TRIM67: variants seen among roughly 807,000 people sequenced by gnomAD.
The protein encoded by TRIM67 is tripartite motif-containing protein 67.
In TRIM67, 39 loss-of-function variants were observed where a neutral mutation model predicts 71.0. The ratio of observed to expected loss-of-function variants is 0.55; its 90% CI spans 0.43 to 0.72. TRIM67 has a LOEUF of 0.72. Ranked by LOEUF, TRIM67 falls within the 30% of genes least tolerant of loss-of-function variation. The pLI is 0.00. For synonymous variants in TRIM67, 481 were observed against 473.9 expected, an observed-to-expected ratio of 1.01 and a Z score of -0.19; for missense variants, 973 against 1,079.2, an observed-to-expected ratio of 0.90 and a Z score of 1.38.
intron 2 of TRIM67, among the ~76,000 whole-genome samples, chr1:231,197,682 G>C (rs554740488): frequency 6.6e-6 from 1 of 152,152 alleles, no homozygotes; most frequent in African/African-American, 2.4e-5. Flanking sequence ...AAAATTAGCC[G>C]GGCGTGGTGG....
Position 231,217,598 on chromosome 1 carries a change from A to G in TRIM67, c.*2158A>G, listed in dbSNP as rs1684047677. On this transcript the variant is annotated 3_prime_UTR_variant, in exon 10 of 10. Transcript: ENST00000366653. ...TGTCTAGCTCTCTTCTGAAAAAAAA[A>G]CAGGCCTACACCCTGCCCCCAGAAT... 2.5e-5 allele frequency: 26 copies of G among 1,055,100 alleles called. No homozygotes were observed. In the South Asian group the frequency reaches 6.1e-4, roughly 25 times the overall value. The allele number at this position is 1,055,100 out of a possible 1,614,324, so 65.4% of individuals were successfully genotyped here.
intron 1 of TRIM67, among the ~76,000 whole-genome samples, chr1:231,168,098 A>G (rs1231327863): frequency 6.6e-6 from 1 of 152,088 alleles, no homozygotes; most frequent in African/African-American, 2.4e-5. Context: ...AGTAGCCAGG[A>G]CTACAGGCAC....
At chr1:231,214,850 A>G (rs1683972759) in intron 9 of TRIM67, among the ~76,000 whole-genome samples, 1 of 151,730 alleles carries the variant, frequency 6.6e-6, no homozygotes, top group Admixed American at 6.6e-5. Flanking sequence ...CTGTAACTCC[A>G]GTACTTTGGG....
intron 4 of TRIM67, 88 bp downstream of exon 4, chr1:231,200,346 T>C: frequency 2.4e-6 from 2 of 824,202 alleles, no homozygotes; most frequent in African/African-American, 1.7e-5. Context: ...GCAAGATCCT[T>C]TCACGGCTTG....
intron 1 of TRIM67, chr1:231,186,205 C>T (rs961709841): frequency 3.5e-5 from 52 of 1,505,548 alleles, no homozygotes; most frequent in Non-Finnish European, 4.4e-5. Flanking sequence ...AACTCTTGAG[C>T]CCAAAGGGCC....
rs375280263 is a variant in TRIM67, at chr1:231,213,996, C to A, written c.2286+19C>A. Reference sequence around the variant, plus strand: ...CGTGCAGGTACACACCTCCCCAGGGCCGGACCTGGTCTGGCTGCTCCCAAC... The same window carrying A: ...CGTGCAGGTACACACCTCCCCAGGGACGGACCTGGTCTGGCTGCTCCCAAC... On this transcript the variant is annotated intron_variant, in intron 9 of 9. Transcript: ENST00000366653. 2.5e-6 allele frequency: 4 copies of A among 1,594,914 alleles called. No individual in the cohort carries two copies. The African/African-American group carries it at 5.4e-5, about 21-fold the overall frequency.
chr1:231,163,823 G>C lies in TRIM67; in HGVS notation c.854G>C (p.Gly285Ala), dbSNP rs1682370256. 6.6e-7 allele frequency: 1 copy of C among 1,517,066 alleles called. No homozygotes were observed. The highest frequency in any genetic ancestry group is 8.9e-7 in the Non-Finnish European group (1 of 1,129,876). The allele number at this position is 1,517,066 out of a possible 1,614,324, so 94.0% of individuals were successfully genotyped here. ...PSGGGGCKSP[G>A]GAGAGATGGS... ...GGAGGCGGCGGCTGCAAGAGCCCGG[G>C]AGGCGCGGGGGCGGGGGCGACTGGG... The change falls in exon 1 of 10, where the codon GGA becomes GCA. Residue 285 changes from glycine to alanine, a missense_variant. By Grantham distance (60) the Gly-to-Ala change is moderately conservative. Transcript: ENST00000366653.
Position 231,221,136 on chromosome 1 carries a change from T to C in TRIM67, c.*5696T>C, listed in dbSNP as rs1008674708. 1 of 152,216 alleles carries C rather than the reference T, an allele frequency of 6.6e-6. No individual in the cohort carries two copies. Among genetic ancestry groups the C allele is most frequent in the Non-Finnish European group, 1.5e-5 (1 of 68,044 alleles). The allele number at this position is 152,216 out of a possible 1,614,324, so 9.4% of individuals were successfully genotyped here. A position where few individuals can be genotyped will look rare whatever the true frequency, so the allele number is the denominator to read the frequency against. On this transcript the variant is annotated 3_prime_UTR_variant, in exon 10 of 10. Transcript: ENST00000366653. ...TGGCACTAAGCTGTTGTATTAAGCATGAGAGGTGTTTGTTTAACGTTGGCA... is the reference window on the plus strand; with the variant it reads ...TGGCACTAAGCTGTTGTATTAAGCACGAGAGGTGTTTGTTTAACGTTGGCA...
intron 3 of TRIM67, among the ~76,000 whole-genome samples, chr1:231,199,642 C>T (rs1683466446): frequency 6.6e-6 from 1 of 152,184 alleles, no homozygotes; most frequent in Admixed American, 6.5e-5. Context: ...AGCCAGGCAC[C>T]CATGAACTCT....
At position 231,215,567 on chromosome 1, in the gene TRIM67, G is replaced by T; in HGVS notation, c.*127G>T. The T allele has an allele frequency of 8.4e-6, 12 of 1,436,282 alleles. No homozygotes were observed. The South Asian group carries it at 1.8e-4, about 21-fold the overall frequency. The allele number at this position is 1,436,282 out of a possible 1,614,324, so 89.0% of individuals were successfully genotyped here. A position where few individuals can be genotyped will look rare whatever the true frequency, so the allele number is the denominator to read the frequency against. On this transcript the variant is annotated 3_prime_UTR_variant, in exon 10 of 10. Coordinates refer to ENST00000366653, the MANE Select transcript of TRIM67 (RefSeq NM_001004342.5). ...AATCATGGGTGCAACCTGGCAGCGT[G>T]GAGTGTCATAGAAACACATTTTCTT...
At position 231,217,763 on chromosome 1, in the gene TRIM67, A is replaced by G. The variant is rs754588999; in HGVS notation, c.*2323A>G. 1 of 1,279,118 alleles carries G rather than the reference A, an allele frequency of 7.8e-7. No individual in the cohort carries two copies. Among genetic ancestry groups the G allele is most frequent in the Non-Finnish European group, 1.0e-6 (1 of 983,674 alleles). The allele number at this position is 1,279,118 out of a possible 1,614,324, so 79.2% of individuals were successfully genotyped here. A position where few individuals can be genotyped will look rare whatever the true frequency, so the allele number is the denominator to read the frequency against. On this transcript the variant is annotated 3_prime_UTR_variant, in exon 10 of 10. Coordinates refer to ENST00000366653, the MANE Select transcript of TRIM67 (RefSeq NM_001004342.5). ...CTGCAGAAGAATCGCCCATCATTGG[A>G]GCACAAGTTGCCTGGGGCTACCCTG...
intron 1 of TRIM67, among the ~76,000 whole-genome samples, chr1:231,168,598 G>T (rs368349116): frequency 2.0e-5 from 3 of 152,306 alleles, no homozygotes; most frequent in African/African-American, 7.2e-5. Flanking sequence ...AGGGAGAAAT[G>T]ATAAGGTGGA....
At chr1:231,174,485 T>C (rs756642669) in intron 1 of TRIM67, among the ~76,000 whole-genome samples, 5 of 152,188 alleles carry the variant, frequency 3.3e-5, no homozygotes, top group Non-Finnish European at 7.3e-5. Context: ...ACTTTTAGTC[T>C]TTTTTCTTTA....
chr1:231,191,719 C>T (rs923396695), intron 1 of TRIM67, among the ~76,000 whole-genome samples: 10 of 152,072 alleles, frequency 6.6e-5, no homozygotes, highest in Admixed American at 1.3e-4. Context: ...TGCTGGTGCC[C>T]GGGACCATAT....
At chr1:231,195,559 C>T (rs1305889583) in intron 1 of TRIM67, among the ~76,000 whole-genome samples, 1 of 152,218 alleles carries the variant, frequency 6.6e-6, no homozygotes, top group African/African-American at 2.4e-5. Flanking sequence ...CAAGGAGCTG[C>T]ACCTCCGCTG....
rs184790193 is a variant in TRIM67 at position 231,217,644 on chromosome 1, T to C, written c.*2204T>C. 5,200 of 1,157,088 alleles carry C rather than the reference T, an allele frequency of 4.5e-3. 20 individuals carry two copies. The highest frequency in any genetic ancestry group is 5.1e-3 in the Non-Finnish European group (4,750 of 923,414). The allele number at this position is 1,157,088 out of a possible 1,614,324, so 71.7% of individuals were successfully genotyped here. Reference sequence around the variant, plus strand: ...AGAATGAGAGTGGGCTAGGCAGGGCTGCCTGGTGACAGCAGCTTCTCACAG... The same window carrying C: ...AGAATGAGAGTGGGCTAGGCAGGGCCGCCTGGTGACAGCAGCTTCTCACAG... On this transcript the variant is annotated 3_prime_UTR_variant, in exon 10 of 10. Transcript: ENST00000366653.
At chr1:231,210,843 C>T (rs1213867371) in intron 8 of TRIM67, among the ~76,000 whole-genome samples, 1 of 151,428 alleles carries the variant, frequency 6.6e-6, no homozygotes, top group Non-Finnish European at 1.5e-5. Flanking sequence ...TGTTTGAGAC[C>T]AGCCTGGGCA....
chr1:231,187,953 A>T (rs1445088000), intron 1 of TRIM67, among the ~76,000 whole-genome samples: 1 of 152,150 alleles, frequency 6.6e-6, no homozygotes, highest in African/African-American at 2.4e-5. Flanking sequence ...AGAGAAAAGC[A>T]AGTCCTGTTC....
At chr1:231,183,923 A>G (rs1682978499) in intron 1 of TRIM67, among the ~76,000 whole-genome samples, 2 of 152,098 alleles carry the variant, frequency 1.3e-5, no homozygotes, top group African/African-American at 4.8e-5. Context: ...GGCTTCCCCA[A>G]GTGTGAAGAA....
Sources: gnomAD v4.1 joint callset for allele counts (sites outside exome capture counted in the v4.1 genomes callset) on GRCh38, gnomAD v4.1.1 for gene constraint, MANE v1.5 for transcripts, NCBI Gene and HGNC (gene_info 2026-07-23, HGNC 2026-07-21) for gene names.